The following CPNE4 variants were observed in gnomAD, a reference collection of about 807,000 sequenced individuals.
The protein encoded by CPNE4 is copine 4.
CPNE4 carries 25 observed loss-of-function variants against 67.9 expected under a neutral mutation model. The observed-to-expected ratio is 0.37, with a 90% CI of 0.27 to 0.51. The LOEUF (loss-of-function observed/expected upper bound fraction) is 0.51, where lower values mean the gene tolerates loss of function less well. CPNE4 is among the 20% of genes least tolerant of loss of function. The pLI, the probability that CPNE4 is intolerant of heterozygous loss-of-function variation, is 0.93. For synonymous variants in CPNE4, 242 were observed against 244.9 expected (o/e 0.99, Z 0.11); for missense variants, 464 against 690.8 (o/e 0.67, Z 3.68).
At chr3:131,563,130 T>C (rs959560148) in intron 11 of CPNE4, among the ~76,000 whole-genome samples, 2 of 152,066 alleles carry the variant, frequency 1.3e-5, no homozygotes, top group South Asian at 2.1e-4. Flanking sequence ...TCAGTTCCCA[T>C]GGTGTGGAGG....
chr3:131,710,741 G>A (rs534001774), intron 3 of CPNE4, among the ~76,000 whole-genome samples: 20 of 152,042 alleles, frequency 1.3e-4, no homozygotes, highest in Non-Finnish European at 2.6e-4. Context: ...TCTTCCCTTC[G>A]ATTGACAACC....
chr3:132,030,574 T>C (rs2074216623), intron 1 of CPNE4, among the ~76,000 whole-genome samples: 1 of 152,230 alleles, frequency 6.6e-6, no homozygotes, highest in Non-Finnish European at 1.5e-5. Context: ...GGCATCCTTA[T>C]CACTTTCTTA....
At position 131,666,104 on chromosome 3, in the gene CPNE4, T is replaced by C. The variant is rs553907671; in HGVS notation, c.681+3571A>G. 9.4e-4 allele frequency among the ~76,000 whole-genome samples: 143 copies of C among 152,226 alleles called. 2 individuals carry two copies. The South Asian group carries it at 0.013, about 14-fold the overall frequency. ...ATACGGAAGTGGGTATGGCTAGCTG[T>C]ACCAGGTATTAAAATATGCTACAAA... On this transcript the variant is annotated intron_variant, in intron 7 of 15. Transcript: ENST00000429747.
chr3:131,905,424 A>G lies in CPNE4; in HGVS notation c.20T>C (p.Ile7Thr). ...CAGTGTGTTGGCAGCGGACTCATAA[A>G]TGTTGCTCATCTTCTTCATTCTGTT... MKKMSN[I>T]YESAANTLGI... Residue 7 changes from isoleucine to threonine, a missense_variant, in exon 2 of 16, where the codon ATT (isoleucine) becomes ACT (threonine). By Grantham distance (89) the Ile-to-Thr change is moderately conservative. Transcript: ENST00000429747. 6.2e-7 allele frequency: 1 copy of G among 1,613,028 alleles called. No individual in the cohort carries two copies. The highest frequency in any genetic ancestry group is 1.1e-5 in the South Asian group (1 of 90,968).
chr3:131,995,605 G>A (rs2073272136), intron 1 of CPNE4, among the ~76,000 whole-genome samples: 1 of 152,182 alleles, frequency 6.6e-6, no homozygotes, highest in Admixed American at 6.5e-5. Flanking sequence ...TACTTGGAAA[G>A]CCTGAAAGCC....
At chr3:131,629,383 A>T (rs1043114358) in intron 7 of CPNE4, among the ~76,000 whole-genome samples, 1 of 136,436 alleles carries the variant, frequency 7.3e-6, no homozygotes, top group East Asian at 2.0e-4. Flanking sequence ...AAATTAAGGT[A>T]TGTTCATCTT....
chr3:131,640,165 C>T (rs1406015645), intron 7 of CPNE4, among the ~76,000 whole-genome samples: 1 of 152,044 alleles, frequency 6.6e-6, no homozygotes, highest in Admixed American at 6.6e-5. Flanking sequence ...CCAGAGCAAC[C>T]AGACAAGAGA....
intron 3 of CPNE4, among the ~76,000 whole-genome samples, chr3:131,716,898 G>A (rs547580113): frequency 1.9e-4 from 29 of 152,346 alleles, no homozygotes; most frequent in Non-Finnish European, 3.5e-4. Flanking sequence ...CCATGTACAC[G>A]TCAGCACTAG....
chr3:131,963,544 G>A lies in CPNE4; in HGVS notation c.-1-58100C>T, dbSNP rs2072246957. On this transcript the variant is annotated intron_variant, in intron 1 of 15. Coordinates refer to ENST00000429747, the MANE Select transcript of CPNE4 (RefSeq NM_130808.3). Reference sequence around the variant, plus strand: ...TCTGAAGTCGACCTGGGATGCTTGAGCTTGGTAGGGGGAGGGGCATCCACC... The same window carrying A: ...TCTGAAGTCGACCTGGGATGCTTGAACTTGGTAGGGGGAGGGGCATCCACC... Among the ~76,000 whole-genome samples the A allele has an allele frequency of 2.0e-5, 3 of 152,214 alleles. No homozygotes were observed. The South Asian group carries it at 6.2e-4, about 32-fold the overall frequency.
intron 1 of CPNE4, among the ~76,000 whole-genome samples, chr3:131,975,164 G>C (rs1172542028): frequency 6.6e-6 from 1 of 152,166 alleles, no homozygotes; most frequent in Non-Finnish European, 1.5e-5. Context: ...TCCTGCAAGA[G>C]AGAACCGCCT....
intron 7 of CPNE4, among the ~76,000 whole-genome samples, chr3:131,622,967 A>G (rs1940556330): frequency 6.6e-6 from 1 of 152,174 alleles, no homozygotes; most frequent in Non-Finnish European, 1.5e-5. Context: ...TGGTAGCCGC[A>G]TCAATAGGTG....
intron 2 of CPNE4, among the ~76,000 whole-genome samples, chr3:131,834,026 T>G (rs1172853789): frequency 6.6e-6 from 1 of 152,226 alleles, no homozygotes; most frequent in Admixed American, 6.5e-5. Flanking sequence ...CAGGAAAGCA[T>G]GAAATATCTG....
intron 1 of CPNE4, among the ~76,000 whole-genome samples, chr3:131,906,411 C>T (rs917275700): frequency 6.2e-5 from 8 of 128,248 alleles, no homozygotes; most frequent in Non-Finnish European, 9.9e-5. Context: ...CCCCTCCCCC[C>T]ACCCCACAAC....
intron 2 of CPNE4, among the ~76,000 whole-genome samples, chr3:131,855,789 C>A (rs2086420140): frequency 6.6e-6 from 1 of 151,922 alleles, no homozygotes; most frequent in African/African-American, 2.4e-5. Context: ...AAGACCTCTT[C>A]CAGACATTGC....
intron 7 of CPNE4, among the ~76,000 whole-genome samples, chr3:131,601,632 G>C (rs1026943364): frequency 1.3e-5 from 2 of 152,158 alleles, no homozygotes. Context: ...GACAGGTAGA[G>C]CAGGAAAATT....
intron 7 of CPNE4, among the ~76,000 whole-genome samples, chr3:131,639,914 A>G (rs968267514): frequency 1.3e-5 from 2 of 152,204 alleles, no homozygotes; most frequent in Admixed American, 6.5e-5. Context: ...AAATTACATG[A>G]TTATCTCAAT....
intron 1 of CPNE4, among the ~76,000 whole-genome samples, chr3:132,030,681 C>T (rs2074218447): frequency 6.6e-6 from 1 of 152,200 alleles, no homozygotes; most frequent in Non-Finnish European, 1.5e-5. Flanking sequence ...AAATAAAGGA[C>T]TTCCCAGGAT....
At chr3:131,627,193 CAAAA>C (rs57977015) in intron 7 of CPNE4, among the ~76,000 whole-genome samples, 24 of 68,394 alleles carry the variant, frequency 3.5e-4, no homozygotes, top group Admixed American at 2.7e-3. Flanking sequence ...GACTCCATCT[CAAAA>C]AAAAAAAAAA....
intron 11 of CPNE4, among the ~76,000 whole-genome samples, chr3:131,559,413 A>C (rs1936638170): frequency 6.6e-6 from 1 of 151,974 alleles, no homozygotes; most frequent in Non-Finnish European, 1.5e-5. Flanking sequence ...ACAGGTCTAT[A>C]AACAAATTGG....
Sources: allele counts gnomAD v4.1 joint callset (sites outside exome capture counted in the v4.1 genomes callset), GRCh38; gene constraint gnomAD v4.1.1; transcripts MANE v1.5; gene names NCBI Gene and HGNC (gene_info 2026-07-23, HGNC 2026-07-21).